Variants in SLC25A12 observed in about 807,000 individuals in gnomAD.
SLC25A12 encodes electrogenic aspartate/glutamate antiporter SLC25A12, mitochondrial.
SLC25A12 carries 32 observed loss-of-function variants against 83.3 expected under a neutral mutation model. The ratio of observed to expected loss-of-function variants is 0.38; its 90% CI spans 0.29 to 0.52. The LOEUF is 0.52. Ranked by LOEUF, SLC25A12 falls within the 20% of genes least tolerant of loss-of-function variation. The pLI is 0.84. For missense variants in SLC25A12, 611 were observed against 835.6 expected (o/e 0.73, Z 3.31); for synonymous variants, 267 against 291.1 (o/e 0.92, Z 0.84).
At chr2:171,787,338 G>A (rs1203397768) in intron 17 of SLC25A12, among the ~76,000 whole-genome samples, 3 of 152,146 alleles carry the variant, frequency 2.0e-5, no homozygotes, top group East Asian at 3.8e-4. Context: ...AAAAAAATTT[G>A]CTGCTTCCCT....
chr2:171,856,618 T>A (rs1480895720), intron 3 of SLC25A12: 1 of 152,498 alleles, frequency 6.6e-6, no homozygotes, highest in African/African-American at 2.4e-5. Flanking sequence ...TAAGGGGCCA[T>A]GCTAATCTCT....
intron 9 of SLC25A12, among the ~76,000 whole-genome samples, chr2:171,824,929 A>C (rs962585320): frequency 6.6e-6 from 1 of 151,838 alleles, no homozygotes; most frequent in African/African-American, 2.4e-5. Context: ...TCAGCCTCCC[A>C]AGTAGCTAGG....
At chr2:171,828,429 T>A (rs1007893016) in intron 8 of SLC25A12, among the ~76,000 whole-genome samples, 1 of 152,224 alleles carries the variant, frequency 6.6e-6, no homozygotes, top group Non-Finnish European at 1.5e-5. Flanking sequence ...ATCTCTTAGA[T>A]GTTTTGACTT....
Position 171,787,778 on chromosome 2 carries a change from C to A in SLC25A12, c.1744+11G>T, listed in dbSNP as rs370060615. The A allele has an allele frequency of 6.2e-7, 1 of 1,614,134 alleles. No individual in the cohort carries two copies. On this transcript the variant is annotated intron_variant, in intron 16 of 17. Coordinates refer to ENST00000422440, the MANE Select transcript of SLC25A12 (RefSeq NM_003705.5). ...AGCCAGCCATTCTGTATGGCTCCAG[C>A]CCCTGCCTACCTGCAGTCCCTTTCC...
In SLC25A12 at chr2:171,787,787, ACCTGCAGTC is replaced by A; in HGVS notation, c.1737_1744+1del. On this transcript the variant is annotated splice_donor_variant and coding_sequence_variant, in exon 16 of 18. Transcript: ENST00000422440. LOFTEE classifies it high-confidence loss of function. ...TTCTGTATGGCTCCAGCCCCTGCCT[ACCTGCAGTC>A]CCTTTCCAAAATGCTGAGGGCCCTT... 1 of 1,614,156 alleles carries A rather than the reference ACCTGCAGTC, an allele frequency of 6.2e-7. No homozygotes were observed. Among genetic ancestry groups the A allele is most frequent in the East Asian group, 2.2e-5 (1 of 44,888 alleles).
In SLC25A12 at chr2:171,843,085, T is replaced by TTCTCATGTCTCAGCCACTCAACTA. The variant is rs1684713929; in HGVS notation, c.465+1283_465+1284insTAGTTGAGTGGCTGAGACATGAGA. On this transcript the variant is annotated intron_variant, in intron 5 of 17. Coordinates refer to ENST00000422440, the MANE Select transcript of SLC25A12 (RefSeq NM_003705.5). ...ATCTGCCCACCTCAGCCTCCCAAAGTGCTGGGATTACAGGCGTGAGCTACC... is the reference window on the plus strand; with the variant it reads ...ATCTGCCCACCTCAGCCTCCCAAAGTTCTCATGTCTCAGCCACTCAACTAGCTGGGATTACAGGCGTGAGCTACC... Among the ~76,000 whole-genome samples the TTCTCATGTCTCAGCCACTCAACTA allele has an allele frequency of 2.0e-5, 3 of 152,170 alleles. No homozygotes were observed. In the South Asian group the frequency reaches 6.2e-4, roughly 32 times the overall value.
Position 171,813,470 on chromosome 2 carries a change from A to G in SLC25A12, c.1040T>C (p.Ile347Thr), listed in dbSNP as rs1437553143. ...TTGCATTCGGGTCTTCACCAGATCTATAGGATACACTGCAGTGGCTCCCAC... is the reference window on the plus strand; with the variant it reads ...TTGCATTCGGGTCTTCACCAGATCTGTAGGATACACTGCAGTGGCTCCCAC... ...GAVGATAVYP[I>T]DLVKTRMQNQ... is the part of the protein sequence containing the mutation. Residue 347 changes from isoleucine (I) to threonine (T), a missense_variant, in exon 11 of 18, where the codon ATA becomes ACA. Ile to Thr is a moderately conservative substitution (Grantham distance 89). Around this residue, in one of 3 missense-constraint regions of SLC25A12, gnomAD observed 540 missense variants for 777.5 expected, o/e 0.69. Transcript: ENST00000422440. 6.2e-7 allele frequency: 1 copy of G among 1,613,966 alleles called. No individual in the cohort carries two copies. The highest frequency in any genetic ancestry group is 8.5e-7 in the Non-Finnish European group (1 of 1,179,954).
At chr2:171,790,725 T>C (rs1028701558) in intron 15 of SLC25A12, among the ~76,000 whole-genome samples, 2 of 151,964 alleles carry the variant, frequency 1.3e-5, no homozygotes, top group African/African-American at 4.8e-5. Flanking sequence ...TTTTTTTTTT[T>C]GAGACAAGCT....
At chr2:171,875,523 GT>G (rs1685545415) in intron 2 of SLC25A12, among the ~76,000 whole-genome samples, 1 of 152,072 alleles carries the variant, frequency 6.6e-6, no homozygotes. Flanking sequence ...AGGGCAAGGG[GT>G]GAAAAAATTC....
At chr2:171,801,123 T>C (rs994516073) in intron 13 of SLC25A12, among the ~76,000 whole-genome samples, 8 of 152,194 alleles carry the variant, frequency 5.3e-5, no homozygotes, top group Non-Finnish European at 1.0e-4. Context: ...AAATATGTCA[T>C]ATTCATACAC....
At chr2:171,877,731 A>G (rs1685604577) in intron 2 of SLC25A12, among the ~76,000 whole-genome samples, 1 of 152,216 alleles carries the variant, frequency 6.6e-6, no homozygotes, top group Admixed American at 6.5e-5. Context: ...TACACATTAC[A>G]AAGACTGACA....
intron 5 of SLC25A12, among the ~76,000 whole-genome samples, chr2:171,841,352 T>A (rs969129841): frequency 6.6e-5 from 10 of 151,928 alleles, no homozygotes; most frequent in Non-Finnish European, 1.5e-4. Context: ...AGTGCTGGGA[T>A]TACAGGCGTG....
chr2:171,794,202 T>C (rs942870523), intron 13 of SLC25A12, among the ~76,000 whole-genome samples: 1 of 152,216 alleles, frequency 6.6e-6, no homozygotes, highest in Non-Finnish European at 1.5e-5. Context: ...TTTTTCCTCT[T>C]TGTGGTAAGC....
chr2:171,845,888 C>T (rs1270444475), intron 4 of SLC25A12: 6 of 447,812 alleles, frequency 1.3e-5, no homozygotes, highest in Non-Finnish European at 2.7e-5. Flanking sequence ...TCAAAGTTTT[C>T]AATAGGTCAA....
chr2:171,870,464 T>C lies in SLC25A12; in HGVS notation c.67-1641A>G, dbSNP rs200574378. On this transcript the variant is annotated intron_variant, in intron 2 of 17. Transcript: ENST00000422440. Reference sequence around the variant, plus strand: ...TGGCAAAACCCCATCTCTACAAAAATACACAAATTAGCTGGGCATGATGTC... The same window carrying C: ...TGGCAAAACCCCATCTCTACAAAAACACACAAATTAGCTGGGCATGATGTC... Among the ~76,000 whole-genome samples the C allele has an allele frequency of 1.1e-4, 17 of 151,456 alleles. No homozygotes were observed. The East Asian group carries it at 3.3e-3, about 30-fold the overall frequency.
rs186819710 is a variant in SLC25A12, at chr2:171,883,912, G to A, written c.66+9293C>T. Among the ~76,000 whole-genome samples, 250 of 152,256 alleles carry A rather than the reference G, an allele frequency of 1.6e-3. 5 individuals carry two copies. Among genetic ancestry groups the A allele is most frequent in the Non-Finnish European group, 6.0e-4 (41 of 68,010 alleles). ...GTCTTACTCTATCACCCAGGCTGGA[G>A]TGCAGTAGCATGACCCTAGCTCACT... is the stretch of plus-strand genomic sequence containing the variant. On this transcript the variant is annotated intron_variant, in intron 2 of 17. Transcript: ENST00000422440.
intron 2 of SLC25A12, among the ~76,000 whole-genome samples, chr2:171,876,096 T>A (rs1199916356): frequency 6.6e-6 from 1 of 151,996 alleles, no homozygotes; most frequent in African/African-American, 2.4e-5. Flanking sequence ...AGAAAACAAA[T>A]GCTTTAGTTG....
chr2:171,785,415 G>T lies in SLC25A12; in HGVS notation c.1896C>A (p.Asn632Lys), dbSNP rs2105829539. 1.2e-6 allele frequency: 2 copies of T among 1,614,238 alleles called. No individual in the cohort carries two copies. The highest frequency in any genetic ancestry group is 1.7e-6 in the Non-Finnish European group (2 of 1,180,042). Residue 632 changes from asparagine to lysine, a missense_variant, in exon 18 of 18, where the codon AAC (asparagine) becomes AAA (lysine). Asn to Lys is a moderately conservative substitution (Grantham distance 94). Coordinates refer to ENST00000422440, the MANE Select transcript of SLC25A12 (RefSeq NM_003705.5). The part of the protein sequence containing the change: ...KSRIADLPPA[N>K]PDHIGGYRLA... ...GTCTGTATCCACCGATGTGATCAGG[G>T]TTGGCAGGAGGAAGGTCTGCAATGC...
intron 1 of SLC25A12, among the ~76,000 whole-genome samples, chr2:171,893,467 T>C (rs1002048732): frequency 2.0e-5 from 3 of 152,208 alleles, no homozygotes; most frequent in African/African-American, 7.2e-5. Flanking sequence ...TAGCCTAAGA[T>C]ACAGCAAAGC....
Sources: allele counts gnomAD v4.1 joint callset (sites outside exome capture counted in the v4.1 genomes callset), GRCh38; gene constraint gnomAD v4.1.1; regional missense constraint gnomAD v4.1.1; transcripts MANE v1.5; gene names NCBI Gene and HGNC (gene_info 2026-07-23, HGNC 2026-07-21).